The following ATP10A variants were observed in gnomAD, a reference collection of about 807,000 sequenced individuals.
ATP10A encodes the protein phospholipid-transporting ATPase VA.
ATP10A carries 111 observed loss-of-function variants against 147.8 expected under a neutral mutation model. The observed-to-expected ratio is 0.75, with a 90% CI of 0.64 to 0.88. The LOEUF is 0.88. ATP10A is among the 40% of genes least tolerant of loss of function. ATP10A has a pLI of 0.00. For missense variants in ATP10A, 1,927 were observed against 1,959.0 expected (o/e 0.98, Z 0.31); for synonymous variants, 875 against 841.6 (o/e 1.04, Z -0.69).
intron 3 of ATP10A, 116 bp from the exon 4 acceptor site, chr15:25,727,382 A>T: frequency 1.1e-6 from 1 of 940,514 alleles, no homozygotes; most frequent in Non-Finnish European, 1.7e-6. Flanking sequence ...GGCCGCTGGG[A>T]TCTGGACTGG....
intron 2 of ATP10A, among the ~76,000 whole-genome samples, chr15:25,757,551 T>C (rs1888487918): frequency 1.3e-5 from 2 of 152,116 alleles, no homozygotes; most frequent in South Asian, 2.1e-4. Context: ...AAAATATAGA[T>C]TTAAGGAGGA....
intron 1 of ATP10A, among the ~76,000 whole-genome samples, chr15:25,843,195 C>G (rs962516554): frequency 3.3e-5 from 5 of 151,794 alleles, no homozygotes; most frequent in African/African-American, 4.8e-5. Context: ...GCCATGAACC[C>G]TAGGAGACGC....
chr15:25,748,033 G>A (rs902751589), intron 2 of ATP10A, among the ~76,000 whole-genome samples: 35 of 152,024 alleles, frequency 2.3e-4, no homozygotes, highest in African/African-American at 7.2e-4. Flanking sequence ...GGCGATCTTG[G>A]CTCACTGCAA....
intron 5 of ATP10A, among the ~76,000 whole-genome samples, chr15:25,725,744 C>T (rs1444360923): frequency 6.6e-6 from 1 of 152,044 alleles, no homozygotes; most frequent in Non-Finnish European, 1.5e-5. Context: ...AAGCCATTCT[C>T]CTGCCTCAGT....
intron 1 of ATP10A, among the ~76,000 whole-genome samples, chr15:25,837,495 G>A (rs1892645816): frequency 6.6e-6 from 1 of 152,198 alleles, no homozygotes; most frequent in Non-Finnish European, 1.5e-5. Flanking sequence ...GGCGCAGGGA[G>A]TGGGAGAAAT....
intron 3 of ATP10A, among the ~76,000 whole-genome samples, chr15:25,733,432 C>T (rs1057432248): frequency 6.6e-6 from 1 of 152,168 alleles, no homozygotes; most frequent in Admixed American, 6.5e-5. Context: ...AGCACTCCTA[C>T]CCCGGGAGTA....
rs1899319573 is a variant in ATP10A at position 25,680,154 on chromosome 15, C to T, written c.3833G>A (p.Cys1278Tyr). 6 of 1,614,036 alleles carry T rather than the reference C, an allele frequency of 3.7e-6. No individual in the cohort carries two copies. The highest frequency in any genetic ancestry group is 1.1e-5 in the South Asian group (1 of 91,070). The change falls in exon 20 of 21, where the codon TGC (cysteine) becomes TAC (tyrosine). Residue 1278 changes from cysteine (C) to tyrosine (Y), a missense_variant. Cys to Tyr is a radical substitution (Grantham distance 194). Coordinates refer to ENST00000555815, the MANE Select transcript of ATP10A (RefSeq NM_024490.4). ...CAGTGCAGCGACAGGCGTCATCAGG[C>T]AAGTCAAGTAAAACACTGGGTCACC... ...LLGDPVFYLT[C>Y]LMTPVAALLP...
chr15:25,725,541 G>A (rs1247670186), intron 5 of ATP10A, among the ~76,000 whole-genome samples: 6 of 152,108 alleles, frequency 3.9e-5, no homozygotes, highest in Non-Finnish European at 5.9e-5. Context: ...TTGAGTTCAA[G>A]TCAGTGAAAA....
intron 1 of ATP10A, among the ~76,000 whole-genome samples, chr15:25,789,872 GT>G (rs1890333056): frequency 6.6e-6 from 1 of 152,110 alleles, no homozygotes; most frequent in Non-Finnish European, 1.5e-5. Context: ...CCTACAAGTT[GT>G]TACAACCTAA....
At position 25,837,330 on chromosome 15, in the gene ATP10A, T is replaced by C. The variant is rs562177660; in HGVS notation, c.449+25318A>G. 3.3e-5 allele frequency among the ~76,000 whole-genome samples: 5 copies of C among 152,324 alleles called. No homozygotes were observed. The South Asian group carries it at 6.2e-4, about 19-fold the overall frequency. On this transcript the variant is annotated intron_variant, in intron 1 of 20. Coordinates refer to ENST00000555815, the MANE Select transcript of ATP10A (RefSeq NM_024490.4). Reference sequence around the variant, plus strand: ...ATTGTATATACACACAATTCAATACTATGCAGCCTTTTAAAAGAAGGAAAT... The same window carrying C: ...ATTGTATATACACACAATTCAATACCATGCAGCCTTTTAAAAGAAGGAAAT...
At chr15:25,780,920 C>T (rs1238342786) in intron 2 of ATP10A, 99 bp downstream of exon 2, 2 of 1,337,078 alleles carry the variant, frequency 1.5e-6, no homozygotes, top group East Asian at 2.3e-5. Context: ...CCTGGTCTGA[C>T]AGACAGGAAA....
Position 25,679,724 on chromosome 15 carries a change from C to T in ATP10A, c.4117G>A (p.Val1373Met), listed in dbSNP as rs752210077. The stretch of plus-strand genomic sequence containing the variant: ...TCCCTCACTGGCATGCTCATGTCCA[C>T]TGTGCTGGGCTCCCCGCTGGCCTCC... ...SLEASGEPST[V>M]DMSMPVREHT... The change falls in exon 21 of 21, where the codon GTG becomes ATG. Residue 1373 changes from valine (V) to methionine (M), a missense_variant. Coordinates refer to ENST00000555815, the MANE Select transcript of ATP10A (RefSeq NM_024490.4). The T allele has an allele frequency of 2.5e-6, 4 of 1,613,258 alleles. No homozygotes were observed. The highest frequency in any genetic ancestry group is 3.4e-6 in the Non-Finnish European group (4 of 1,180,014).
At chr15:25,723,772 A>G (rs1902386807) in intron 6 of ATP10A, 119 bp downstream of exon 6, 1 of 831,600 alleles carries the variant, frequency 1.2e-6, no homozygotes, top group African/African-American at 1.8e-5. Flanking sequence ...AACTCCAGGT[A>G]GATATATTTG....
At chr15:25,763,902 CTTCTT>C (rs972815400) in intron 2 of ATP10A, among the ~76,000 whole-genome samples, 7 of 152,142 alleles carry the variant, frequency 4.6e-5, no homozygotes, top group Admixed American at 4.6e-4. Context: ...CTCTCTGTGT[CTTCTT>C]TTAAGTGCTT....
chr15:25,859,101 T>C (rs1313612441), intron 1 of ATP10A, among the ~76,000 whole-genome samples: 1 of 152,108 alleles, frequency 6.6e-6, no homozygotes, highest in South Asian at 2.1e-4. Context: ...CTTCTTCTGA[T>C]AGGAGATCTC....
At chr15:25,720,638 G>T (rs780607974) in intron 7 of ATP10A, among the ~76,000 whole-genome samples, 5 of 151,234 alleles carry the variant, frequency 3.3e-5, no homozygotes, top group Non-Finnish European at 7.4e-5. Flanking sequence ...GAAGGAGGCT[G>T]GTGGGAGGGA....
rs369977237 is a variant in ATP10A, at chr15:25,679,858, C to G, written c.3983G>C (p.Gly1328Ala). ...CSAPKETFAQ[G>A]RLPKDSGTEH... ...GGTTCCCGAGTCCTTCGGGAGGCGT[C>G]CCTGAGCAAAGGTCTCTTTGGGAGC... The change falls in exon 21 of 21, where the codon GGA becomes GCA. Residue 1328 changes from glycine (G) to alanine (A), a missense_variant. Transcript: ENST00000555815. The G allele has an allele frequency of 1.9e-5, 31 of 1,610,446 alleles. No homozygotes were observed. In the African/African-American group the frequency reaches 3.3e-4, roughly 17 times the overall value.
At chr15:25,686,034 A>G (rs951694524) in intron 16 of ATP10A, among the ~76,000 whole-genome samples, 4 of 152,116 alleles carry the variant, frequency 2.6e-5, no homozygotes, top group Admixed American at 2.6e-4. Flanking sequence ...GAAAGGAGGT[A>G]TGAGCCGGCA....
At chr15:25,788,529 A>G (rs945729482) in intron 1 of ATP10A, among the ~76,000 whole-genome samples, 2 of 152,220 alleles carry the variant, frequency 1.3e-5, no homozygotes, top group Non-Finnish European at 2.9e-5. Context: ...GGCCGTGGCC[A>G]CTATTTTGAC....
Sources: allele counts gnomAD v4.1 joint callset (sites outside exome capture counted in the v4.1 genomes callset), GRCh38; gene constraint gnomAD v4.1.1; transcripts MANE v1.5; gene names NCBI Gene and HGNC (gene_info 2026-07-23, HGNC 2026-07-21).